The following ITGA9 variants were observed in gnomAD, a reference collection of about 807,000 sequenced individuals.
ITGA9 encodes the protein integrin alpha-9.
Under a neutral mutation model 127.8 loss-of-function variants are expected in ITGA9, and 56 were observed. The observed-to-expected ratio is 0.44, with a 90% CI of 0.35 to 0.55. ITGA9 has a LOEUF of 0.55. Ranked by LOEUF, ITGA9 falls within the 20% of genes least tolerant of loss-of-function variation. The probability of loss-of-function intolerance (pLI) is 0.00; values close to 1 mark genes in which losing one functional copy is unlikely to be tolerated. For missense variants in ITGA9, 1,196 were observed against 1,347.1 expected (o/e 0.89, Z 1.76); for synonymous variants, 508 against 514.5 (o/e 0.99, Z 0.17).
chr3:37,772,533 G>T (rs1395319881), intron 23 of ITGA9, among the ~76,000 whole-genome samples: 3 of 152,004 alleles, frequency 2.0e-5, no homozygotes, highest in Non-Finnish European at 4.4e-5. Context: ...CAAGTGTTAG[G>T]TGCCGTTGTC....
Position 37,683,847 on chromosome 3 carries a change from G to T in ITGA9, c.1917-18G>T, listed in dbSNP as rs778163129. 1 of 1,613,608 alleles carries T rather than the reference G, an allele frequency of 6.2e-7. No individual in the cohort carries two copies. The highest frequency in any genetic ancestry group is 8.5e-7 in the Non-Finnish European group (1 of 1,179,826). On this transcript the variant is annotated intron_variant, in intron 17 of 27. Transcript: ENST00000264741. The stretch of plus-strand genomic sequence containing the variant: ...TGTAGGCCTCAGGGCATTCATTGCT[G>T]TCTATTTTTCGTTACAGTATGGATG...
intron 1 of ITGA9, among the ~76,000 whole-genome samples, chr3:37,465,103 C>T (rs1698355729): frequency 6.6e-6 from 1 of 152,224 alleles, no homozygotes; most frequent in South Asian, 2.1e-4. Flanking sequence ...AGTTGCTGTC[C>T]TTGATCTGGC....
chr3:37,487,446 C>G (rs1698622342), intron 4 of ITGA9, among the ~76,000 whole-genome samples: 1 of 152,162 alleles, frequency 6.6e-6, no homozygotes, highest in Non-Finnish European at 1.5e-5. Context: ...GCAAACCTGT[C>G]TCCTATACTT....
chr3:37,470,140 G>GTTTTTTTT (rs71288094), intron 1 of ITGA9, among the ~76,000 whole-genome samples: 5 of 133,076 alleles, frequency 3.8e-5, no homozygotes, highest in African/African-American at 5.6e-5. Flanking sequence ...GTTTCTTCTT[G>GTTTTTTTT]TTTTTTTTTT....
chr3:37,458,274 A>T (rs1369991694), intron 1 of ITGA9, among the ~76,000 whole-genome samples: 1 of 152,226 alleles, frequency 6.6e-6, no homozygotes, highest in Non-Finnish European at 1.5e-5. Context: ...ATCAATGCAC[A>T]TTCACTGGGG....
chr3:37,696,860 A>C (rs568041857), intron 18 of ITGA9, among the ~76,000 whole-genome samples: 45 of 152,324 alleles, frequency 3.0e-4, no homozygotes, highest in African/African-American at 1.1e-3. Context: ...TGGTCCATGA[A>C]CCAGCATGGT....
At chr3:37,464,004 T>C (rs1282338220) in intron 1 of ITGA9, among the ~76,000 whole-genome samples, 1 of 152,126 alleles carries the variant, frequency 6.6e-6, no homozygotes, top group Non-Finnish European at 1.5e-5. Context: ...AAATGAGGAT[T>C]ACTTAATTGT....
chr3:37,458,424 A>G (rs2125546276), intron 1 of ITGA9, among the ~76,000 whole-genome samples: 1 of 152,352 alleles, frequency 6.6e-6, no homozygotes, highest in East Asian at 1.9e-4. Context: ...GACTCTATGC[A>G]GATCTGATTA....
chr3:37,773,880 A>G (rs1696873505), intron 23 of ITGA9, among the ~76,000 whole-genome samples: 2 of 152,354 alleles, frequency 1.3e-5, no homozygotes, highest in Non-Finnish European at 2.9e-5. Flanking sequence ...CATGTGGTTG[A>G]ATGCTTAAAA....
chr3:37,768,136 T>C (rs1261237963), intron 23 of ITGA9, among the ~76,000 whole-genome samples: 2 of 152,186 alleles, frequency 1.3e-5, no homozygotes, highest in African/African-American at 4.8e-5. Flanking sequence ...TTTTAGTCTT[T>C]GGTCAATATG....
chr3:37,515,828 G>A (rs1159987001), intron 9 of ITGA9, among the ~76,000 whole-genome samples: 2 of 152,154 alleles, frequency 1.3e-5, no homozygotes, highest in African/African-American at 2.4e-5. Context: ...GTTTGAGGTG[G>A]TAGTGAGCTA....
chr3:37,459,993 C>A (rs898001117), intron 1 of ITGA9, among the ~76,000 whole-genome samples: 1 of 152,126 alleles, frequency 6.6e-6, no homozygotes, highest in Non-Finnish European at 1.5e-5. Flanking sequence ...ATTTGAAGGG[C>A]CTCTTCTCAC....
chr3:37,559,876 T>C (rs1200939189), intron 15 of ITGA9, among the ~76,000 whole-genome samples: 1 of 152,194 alleles, frequency 6.6e-6, no homozygotes, highest in Non-Finnish European at 1.5e-5. Context: ...ATTGAGGTGT[T>C]GTCCCTACAG....
intron 26 of ITGA9, among the ~76,000 whole-genome samples, chr3:37,788,968 A>G (rs1363033836): frequency 6.6e-6 from 1 of 152,176 alleles, no homozygotes; most frequent in Non-Finnish European, 1.5e-5. Flanking sequence ...TAATTTTTTT[A>G]TAACTGTAAA....
intron 15 of ITGA9, chr3:37,585,722 G>A (rs1007306332): frequency 8.1e-6 from 4 of 491,444 alleles, no homozygotes; most frequent in Admixed American, 2.0e-5. Flanking sequence ...CTTTATTTGC[G>A]AAGGGGTGGT....
intron 4 of ITGA9, among the ~76,000 whole-genome samples, chr3:37,492,881 T>A (rs1446534437): frequency 6.6e-6 from 1 of 152,246 alleles, no homozygotes; most frequent in Non-Finnish European, 1.5e-5. Flanking sequence ...GTTGTGCTAT[T>A]TGATGCAGGA....
intron 1 of ITGA9, among the ~76,000 whole-genome samples, chr3:37,464,268 T>G (rs533765506): frequency 7.2e-6 from 1 of 139,622 alleles, no homozygotes; most frequent in Non-Finnish European, 1.6e-5. Context: ...ACAGCTCTAT[T>G]TGTCAGGGTT....
intron 6 of ITGA9, 121 bp downstream of exon 6, chr3:37,503,428 A>G (rs1698808521): frequency 3.6e-6 from 4 of 1,099,064 alleles, no homozygotes; most frequent in Non-Finnish European, 5.4e-6. Flanking sequence ...CTGTTGTTCT[A>G]ATGACTTACA....
At chr3:37,687,892 A>G (rs1218679713) in intron 18 of ITGA9, among the ~76,000 whole-genome samples, 1 of 152,238 alleles carries the variant, frequency 6.6e-6, no homozygotes, top group African/African-American at 2.4e-5. Context: ...TAGACAGGAA[A>G]GAGAGGAAAG....
Sources: gnomAD v4.1 joint callset for allele counts (sites outside exome capture counted in the v4.1 genomes callset) on GRCh38, gnomAD v4.1.1 for gene constraint, MANE v1.5 for transcripts, NCBI Gene and HGNC (gene_info 2026-07-23, HGNC 2026-07-21) for gene names.